RPS6KC1: variants seen among roughly 807,000 people sequenced by gnomAD.
RPS6KC1 encodes the protein ribosomal protein S6 kinase C1, also known as inactive ribosomal protein S6 kinase delta-1.
In RPS6KC1, 54 loss-of-function variants were observed where a neutral mutation model predicts 103.8. That is an observed-to-expected ratio of 0.52 (90% CI 0.42 to 0.65). RPS6KC1 has a LOEUF of 0.65. Among genes scored for constraint, RPS6KC1 ranks in the 30% least tolerant of loss-of-function variants. The pLI is 0.00. For synonymous variants in RPS6KC1, 439 were observed against 438.7 expected (o/e 1.00, Z -0.01); for missense variants, 1,151 against 1,253.8 (o/e 0.92, Z 1.24).
chr1:213,555,604 A>G, the RPS6KC1 span, among the ~76,000 whole-genome samples: 1 of 152,064 alleles, frequency 6.6e-6, no homozygotes, highest in East Asian at 1.9e-4. Flanking sequence ...TAATGTTTAT[A>G]TCAGTTGGTT....
the RPS6KC1 span, among the ~76,000 whole-genome samples, chr1:213,345,363 A>T: frequency 3.3e-5 from 5 of 152,338 alleles, no homozygotes; most frequent in African/African-American, 1.2e-4. Flanking sequence ...GATAACTCCA[A>T]CATTTAAACT....
chr1:213,251,787 T>C (rs1014217731), intron 12 of RPS6KC1, among the ~76,000 whole-genome samples: 6 of 152,324 alleles, frequency 3.9e-5, no homozygotes, highest in East Asian at 3.9e-4. Context: ...AAGATTGATA[T>C]ATTTATTCAA....
chr1:213,413,413 T>G, the RPS6KC1 span, among the ~76,000 whole-genome samples: 3 of 152,214 alleles, frequency 2.0e-5, no homozygotes, highest in Non-Finnish European at 4.4e-5. Flanking sequence ...TCACACAATT[T>G]CTAGGAGCTG....
the RPS6KC1 span, among the ~76,000 whole-genome samples, chr1:213,445,206 G>T: frequency 1.3e-5 from 2 of 152,092 alleles, no homozygotes; most frequent in Non-Finnish European, 2.9e-5. Flanking sequence ...GCTGAATAAC[G>T]TTATATTCTA....
At chr1:213,191,955 C>T (rs1197895205) in intron 8 of RPS6KC1, among the ~76,000 whole-genome samples, 1 of 152,126 alleles carries the variant, frequency 6.6e-6, no homozygotes, top group Non-Finnish European at 1.5e-5. Context: ...ACTACAGGCA[C>T]GTGTCACCAT....
chr1:213,733,544 GTTTGTTTTTTT>G, the RPS6KC1 span, among the ~76,000 whole-genome samples: 1 of 100,234 alleles, frequency 1.0e-5, no homozygotes, highest in Non-Finnish European at 2.1e-5. Context: ...GCTATTTTTA[GTTTGTTTTTTT>G]TTTTTTTTTG....
chr1:213,664,207 GGGAGGGGAGC>G, the RPS6KC1 span, among the ~76,000 whole-genome samples: 1 of 145,130 alleles, frequency 6.9e-6, no homozygotes, highest in African/African-American at 2.5e-5. Context: ...GGGCGGGGTG[GGGAGGGGAGC>G]GCTCTGAGAA....
intron 6 of RPS6KC1, among the ~76,000 whole-genome samples, chr1:213,134,785 G>A (rs1230961651): frequency 6.6e-6 from 1 of 152,252 alleles, no homozygotes; most frequent in East Asian, 1.9e-4. Context: ...AGGGAAGCAA[G>A]TCATGTGATT....
chr1:213,150,957 C>T (rs561396845), intron 6 of RPS6KC1, among the ~76,000 whole-genome samples: 77 of 150,188 alleles, frequency 5.1e-4, no homozygotes, highest in African/African-American at 1.8e-3. Context: ...ACCCCCCCAC[C>T]TCCCTCCCGG....
the RPS6KC1 span, among the ~76,000 whole-genome samples, chr1:213,762,062 G>T: frequency 6.6e-6 from 1 of 151,876 alleles, no homozygotes; most frequent in Non-Finnish European, 1.5e-5. Context: ...GAGGAGAAAA[G>T]GAAGAAAGAG....
chr1:213,655,313 G>A, the RPS6KC1 span, among the ~76,000 whole-genome samples: 1 of 136,836 alleles, frequency 7.3e-6, no homozygotes, highest in Non-Finnish European at 1.7e-5. Context: ...AATGTACTGG[G>A]ATTACAGGCA....
chr1:213,242,778 A>G lies in RPS6KC1; in HGVS notation c.2911+120A>G, dbSNP rs900475823. On this transcript the variant is annotated intron_variant, in intron 12 of 14. Transcript: ENST00000366960. Reference sequence around the variant, plus strand: ...GTTTACATATGTGTTGGATTTGGTTATCTGTTTAACCCTTCAAAAAAGAAA... The same window carrying G: ...GTTTACATATGTGTTGGATTTGGTTGTCTGTTTAACCCTTCAAAAAAGAAA... 4 of 803,468 alleles carry G rather than the reference A, an allele frequency of 5.0e-6. No individual in the cohort carries two copies. The African/African-American group carries it at 5.2e-5, about 10-fold the overall frequency. 49.8% of individuals were successfully genotyped at this position (803,468 alleles called of 1,614,324 possible).
the RPS6KC1 span, chr1:213,820,101 T>C: frequency 4.6e-5 from 7 of 152,214 alleles, no homozygotes; most frequent in African/African-American, 9.6e-5. Flanking sequence ...AAAAATTCAA[T>C]AGCAGACAGC....
chr1:213,522,337 A>G, the RPS6KC1 span, among the ~76,000 whole-genome samples: 1 of 152,202 alleles, frequency 6.6e-6, no homozygotes, highest in African/African-American at 2.4e-5. Context: ...GCTGTCATCT[A>G]GTCTTTGTTG....
downstream of RPS6KC1, among the ~76,000 whole-genome samples, chr1:213,278,679 G>T (rs1168538748): frequency 6.6e-6 from 1 of 151,980 alleles, no homozygotes; most frequent in African/African-American, 2.4e-5. Context: ...CTGAACAAAA[G>T]ATATGGCACC....
At chr1:213,861,153 G>A in the RPS6KC1 span, among the ~76,000 whole-genome samples, 1 of 152,114 alleles carries the variant, frequency 6.6e-6, no homozygotes, top group Non-Finnish European at 1.5e-5. Context: ...AGCTATTTAG[G>A]TTTCAAAGCA....
At chr1:213,843,913 C>G in the RPS6KC1 span, among the ~76,000 whole-genome samples, 1 of 151,260 alleles carries the variant, frequency 6.6e-6, no homozygotes, top group East Asian at 1.9e-4. Flanking sequence ...CTCTTTAAAA[C>G]TATGACCCAA....
In RPS6KC1 at chr1:213,129,889, G is replaced by C; in HGVS notation, c.835G>C (p.Gly279Arg). 1 of 1,587,530 alleles carries C rather than the reference G, an allele frequency of 6.3e-7. No homozygotes were observed. Residue 279 changes from glycine (G) to arginine (R), a missense_variant and splice_region_variant, in exon 6 of 15, where the codon GGA becomes CGA. Gly to Arg is a moderately radical substitution (Grantham distance 125, BLOSUM62 -2). Around this residue, in one of 3 missense-constraint regions of RPS6KC1, gnomAD observed 959 missense variants for 1,006.3 expected, o/e 0.95. Transcript: ENST00000366960. ...TGATTTACTCCTAGAAGGTGTTCAA[G>C]GTATGGTTTTATGTATATTATGTTT... The part of the protein sequence containing the change: ...GVDLLLEGVQ[G>R]ESSPTRREAV...
the RPS6KC1 span, among the ~76,000 whole-genome samples, chr1:213,578,111 A>G: frequency 7.2e-5 from 11 of 152,306 alleles, no homozygotes; most frequent in South Asian, 2.3e-3. Context: ...AGCCATGGCT[A>G]AAAGGGGCCA....
Sources: allele counts gnomAD v4.1 joint callset (sites outside exome capture counted in the v4.1 genomes callset), GRCh38; gene constraint gnomAD v4.1.1; regional missense constraint gnomAD v4.1.1; transcripts MANE v1.5; gene names NCBI Gene and HGNC (gene_info 2026-07-23, HGNC 2026-07-21).